Variants in ANO1 observed in about 807,000 individuals in gnomAD.
ANO1 encodes anoctamin 1.
A neutral mutation model predicts 124.0 loss-of-function variants in ANO1; 59 were observed. The ratio of observed to expected loss-of-function variants is 0.48; its 90% confidence interval spans 0.39 to 0.59. ANO1 has a LOEUF of 0.59. Among genes scored for constraint, ANO1 ranks in the 20% least tolerant of loss-of-function variants. The pLI is 0.00. For synonymous variants in ANO1, 529 were observed against 532.0 expected (o/e 0.99, Z 0.08); for missense variants, 1,059 against 1,328.0 (o/e 0.80, Z 3.15).
At chr11:70,085,051 G>T (rs953496163) in intron 1 of ANO1, among the ~76,000 whole-genome samples, 1 of 152,144 alleles carries the variant, frequency 6.6e-6, no homozygotes, top group Non-Finnish European at 1.5e-5. Flanking sequence ...TACTAAGGGG[G>T]GCCGCACCTT....
At chr11:70,161,754 T>TC in intron 18 of ANO1, 21 bp downstream of exon 18, 1 of 1,610,260 alleles carries the variant, frequency 6.2e-7, no homozygotes, top group East Asian at 2.2e-5. Flanking sequence ...CTTCAGCCTT[T>TC]CCCCAACCTC....
chr11:70,095,320 G>T (rs11233917), intron 2 of ANO1, among the ~76,000 whole-genome samples: 2 of 113,008 alleles, frequency 1.8e-5, no homozygotes, highest in African/African-American at 7.4e-5. Context: ...AAGAAAGAAA[G>T]GAAAGAAAGA....
intron 1 of ANO1, among the ~76,000 whole-genome samples, chr11:70,033,431 A>ATG (rs1857039510): frequency 6.6e-6 from 1 of 152,166 alleles, no homozygotes; most frequent in Non-Finnish European, 1.5e-5. Context: ...GTCTGTGGGA[A>ATG]TGTGAGGATG....
intron 21 of ANO1, 112 bp from the exon 22 acceptor site, chr11:70,170,775 T>G: frequency 7.3e-7 from 1 of 1,374,206 alleles, no homozygotes; most frequent in Non-Finnish European, 9.8e-7. Context: ...GGTGGGCTCG[T>G]TGGAGGTGGG....
chr11:69,997,863 AG>A (rs1235031317), intron 1 of ANO1, among the ~76,000 whole-genome samples: 2 of 152,008 alleles, frequency 1.3e-5, no homozygotes, highest in African/African-American at 4.8e-5. Flanking sequence ...CGTGAGTAAA[AG>A]CTCCCTGAGG....
chr11:70,107,885 A>G (rs886669732), intron 5 of ANO1, among the ~76,000 whole-genome samples: 1 of 152,196 alleles, frequency 6.6e-6, no homozygotes, highest in East Asian at 1.9e-4. Flanking sequence ...AATGGATCCC[A>G]AGGCCCGCCC....
At chr11:70,056,152 A>C (rs1241700405) in intron 1 of ANO1, 1 of 151,930 alleles carries the variant, frequency 6.6e-6, no homozygotes, top group Admixed American at 6.6e-5. Context: ...ATATGGGATT[A>C]TTTTCCCTCT....
chr11:70,149,938 CT>C lies in ANO1; in HGVS notation c.1341+147del, dbSNP rs1236955834. The C allele has an allele frequency of 4.7e-5, 38 of 808,806 alleles. No homozygotes were observed. The African/African-American group carries it at 5.8e-4, about 12-fold the overall frequency. The allele number at this position is 808,806 out of a possible 1,614,324, so 50.1% of individuals were successfully genotyped here. A position where few individuals can be genotyped will look rare whatever the true frequency, so the allele number is the denominator to read the frequency against. ...AAGGCCGCCCCCCATCCCCCACCCC[CT>C]GCCTGCCTCGCCACTCAACACCCTG... On this transcript the variant is annotated intron_variant, in intron 12 of 25. Transcript: ENST00000355303.
At chr11:69,991,924 GC>G (rs1163315554) in intron 1 of ANO1, among the ~76,000 whole-genome samples, 8 of 152,204 alleles carry the variant, frequency 5.3e-5, no homozygotes, top group African/African-American at 1.9e-4. Context: ...AATATCCCAG[GC>G]CCCCTCCCTC....
Position 70,025,450 on chromosome 11 carries a change from AGAT to A in ANO1, c.58+39298_58+39300del, listed in dbSNP as rs201565744. 7.7e-3 allele frequency among the ~76,000 whole-genome samples: 1,142 copies of A among 147,586 alleles called. 7 individuals carry two copies. Among genetic ancestry groups the A allele is most frequent in the Non-Finnish European group, 0.012 (781 of 66,936 alleles). On this transcript the variant is annotated intron_variant, in intron 1 of 27. Transcript: ENST00000531349. ...CTGATGGTAATGGTGATGACAGTGA[AGAT>A]GATGATGATGATGGTGATGGTGGTG...
chr11:70,067,323 G>GGTTTT lies in ANO1; in HGVS notation c.59-11219_59-11218insGTTTT, dbSNP rs1555008734. 1.3e-4 allele frequency among the ~76,000 whole-genome samples: 17 copies of GGTTTT among 126,536 alleles called. 8 individuals are homozygous for GGTTTT. Among genetic ancestry groups the GGTTTT allele is most frequent in the Non-Finnish European group, 1.5e-4 (9 of 60,090 alleles). 83.0% of individuals were successfully genotyped at this position (126,536 alleles called of 152,430 possible). ...TCCAAGGGGACAAGGAATCGTGGGT[G>GGTTTT]TTTTTTTTTTTTTTTTTTTTTTGAG... On this transcript the variant is annotated intron_variant, in intron 1 of 27. Transcript: ENST00000531349.
chr11:70,181,036 G>A (rs948899771), intron 23 of ANO1, among the ~76,000 whole-genome samples: 11 of 152,154 alleles, frequency 7.2e-5, no homozygotes, highest in Non-Finnish European at 1.2e-4. Context: ...CCCATGGCCT[G>A]GATCTCCCCG....
At chr11:70,112,985 GC>G (rs2045847767) in intron 7 of ANO1, among the ~76,000 whole-genome samples, 1 of 152,220 alleles carries the variant, frequency 6.6e-6, no homozygotes, top group Admixed American at 6.5e-5. Context: ...AGGCAGATCT[GC>G]TGCCCGTCAC....
intron 2 of ANO1, among the ~76,000 whole-genome samples, chr11:70,088,984 C>T (rs947571531): frequency 5.3e-5 from 8 of 152,192 alleles, no homozygotes; most frequent in African/African-American, 1.2e-4. Flanking sequence ...CTGGCTGCTG[C>T]GGGGCCGAGG....
At chr11:70,003,642 G>T (rs1554999671) in intron 1 of ANO1, among the ~76,000 whole-genome samples, 1 of 138,948 alleles carries the variant, frequency 7.2e-6, no homozygotes, top group Non-Finnish European at 1.6e-5. Context: ...TGGATGGATG[G>T]ATGGATAAAT....
chr11:69,975,910 G>T, the ANO1 span, among the ~76,000 whole-genome samples: 1 of 152,176 alleles, frequency 6.6e-6, no homozygotes, highest in Admixed American at 6.5e-5. Flanking sequence ...AAACACTCAT[G>T]TACCATGCTG....
intron 1 of ANO1, among the ~76,000 whole-genome samples, chr11:70,029,818 C>T (rs782529344): frequency 1.3e-5 from 2 of 152,294 alleles, no homozygotes; most frequent in Non-Finnish European, 2.9e-5. Flanking sequence ...GGGCTCCAGG[C>T]GTTCCTCAGC....
intron 8 of ANO1, among the ~76,000 whole-genome samples, chr11:70,117,692 T>C (rs532271401): frequency 7.4e-4 from 113 of 152,234 alleles, no homozygotes; most frequent in African/African-American, 2.5e-3. Context: ...CCTTGCCCTA[T>C]CTGCTGGTCC....
upstream of ANO1, among the ~76,000 whole-genome samples, chr11:70,073,930 C>T (rs1253143209): frequency 1.2e-4 from 18 of 150,332 alleles, no homozygotes; most frequent in Non-Finnish European, 4.4e-5. Flanking sequence ...GGAGTCCCGC[C>T]GTCAAGCTGC....
Sources: gnomAD v4.1 joint callset for allele counts (sites outside exome capture counted in the v4.1 genomes callset) on GRCh38, gnomAD v4.1.1 for gene constraint, MANE v1.5 for transcripts, NCBI Gene and HGNC (gene_info 2026-07-23, HGNC 2026-07-21) for gene names.